CAPN7: variants seen among roughly 807,000 people sequenced by gnomAD.
CAPN7 encodes the protein calpain-7.
Under a neutral mutation model 115.2 loss-of-function variants are expected in CAPN7, and 72 were observed. The ratio of observed to expected loss-of-function variants is 0.63; its 90% CI spans 0.52 to 0.76. The LOEUF (loss-of-function observed/expected upper bound fraction) is 0.76, where lower values mean the gene tolerates loss of function less well. Among genes scored for constraint, CAPN7 ranks in the 30% least tolerant of loss-of-function variants. CAPN7 has a pLI of 0.00. For synonymous variants in CAPN7, 344 were observed against 322.3 expected, an observed-to-expected ratio of 1.07 and a Z score of -0.72; for missense variants, 905 against 971.5, an observed-to-expected ratio of 0.93 and a Z score of 0.91.
Position 15,233,981 on chromosome 3 carries a change from T to A in CAPN7, c.1286+8T>A. ...CAGAATGCTTTATCAAAGGTAAACA[T>A]TTTTCTTTGTTTTATGTGTGTGGTA... On this transcript the variant is annotated splice_region_variant and intron_variant, in intron 11 of 20. Transcript: ENST00000253693. The A allele has an allele frequency of 7.0e-7, 1 of 1,421,796 alleles. No individual in the cohort carries two copies. The highest frequency in any genetic ancestry group is 1.2e-5 in the South Asian group (1 of 85,840). The allele number at this position is 1,421,796 out of a possible 1,614,324, so 88.1% of individuals were successfully genotyped here. A position where few individuals can be genotyped will look rare whatever the true frequency, so the allele number is the denominator to read the frequency against.
In CAPN7 at chr3:15,251,265, G is replaced by T; in HGVS notation, c.*5G>T. The T allele has an allele frequency of 1.9e-6, 3 of 1,576,832 alleles. No homozygotes were observed. The highest frequency in any genetic ancestry group is 2.6e-6 in the Non-Finnish European group (3 of 1,168,416). On this transcript the variant is annotated 3_prime_UTR_variant, in exon 21 of 21. Transcript: ENST00000253693. ...AAGATCACACAACTTCAGTGATGGA[G>T]AAATCTCAAGTTACTGGCTTTTATA...
Position 15,223,614 on chromosome 3 carries a change from T to C in CAPN7, c.725+53T>C, listed in dbSNP as rs1391161267. 1.3e-5 allele frequency: 13 copies of C among 1,032,646 alleles called. No individual in the cohort carries two copies. The East Asian group carries it at 2.2e-4, about 17-fold the overall frequency. 64.0% of individuals were successfully genotyped at this position (1,032,646 alleles called of 1,614,324 possible). A position where few individuals can be genotyped will look rare whatever the true frequency, so the allele number is the denominator to read the frequency against. On this transcript the variant is annotated intron_variant, in intron 6 of 20. Coordinates refer to ENST00000253693, the MANE Select transcript of CAPN7 (RefSeq NM_014296.3). Reference sequence around the variant, plus strand: ...CTCCAATATTTTAACTTTTCAGTACTCTGAAGTTCAATTTAATAGCCTTGA... The same window carrying C: ...CTCCAATATTTTAACTTTTCAGTACCCTGAAGTTCAATTTAATAGCCTTGA...
chr3:15,250,484 C>T (rs1393410416), intron 19 of CAPN7, among the ~76,000 whole-genome samples: 1 of 152,168 alleles, frequency 6.6e-6, no homozygotes, highest in Admixed American at 6.5e-5. Flanking sequence ...GCCTCTCCAA[C>T]ATGATGAAAC....
intron 16 of CAPN7, among the ~76,000 whole-genome samples, chr3:15,245,297 CA>C (rs1353657991): frequency 2.0e-5 from 3 of 151,682 alleles, no homozygotes; most frequent in Non-Finnish European, 4.4e-5. Flanking sequence ...GAGCAAATAG[CA>C]AGTACTATTA....
chr3:15,250,525 A>T lies in CAPN7; in HGVS notation c.2205-406A>T, dbSNP rs532382400. Among the ~76,000 whole-genome samples, 10 of 152,256 alleles carry T rather than the reference A, an allele frequency of 6.6e-5. No homozygotes were observed. The South Asian group carries it at 2.1e-3, about 32-fold the overall frequency. ...CACTACTAAAAATACAAAAAAATTT[A>T]GCCAGGCACAGTGGCATACCCCTGT... On this transcript the variant is annotated intron_variant, in intron 19 of 20. Transcript: ENST00000253693.
At chr3:15,249,281 T>C (rs11713482) in intron 19 of CAPN7, among the ~76,000 whole-genome samples, 1 of 152,212 alleles carries the variant, frequency 6.6e-6, no homozygotes, top group Non-Finnish European at 1.5e-5. Flanking sequence ...CATTACAATA[T>C]TGTTTATTCC....
intron 9 of CAPN7, chr3:15,232,243 A>T (rs1011036686): frequency 8.6e-6 from 3 of 349,924 alleles, no homozygotes; most frequent in Non-Finnish European, 1.1e-5. Flanking sequence ...TTTATTTCAG[A>T]TGCTCAGCCT....
intron 1 of CAPN7, among the ~76,000 whole-genome samples, chr3:15,211,697 C>T (rs1017361406): frequency 6.6e-6 from 1 of 152,028 alleles, no homozygotes; most frequent in Non-Finnish European, 1.5e-5. Flanking sequence ...GAGTTCAAGA[C>T]CAGCCTGGCC....
chr3:15,230,541 T>A lies in CAPN7; in HGVS notation c.1032+6T>A, dbSNP rs775942028. On this transcript the variant is annotated splice_donor_region_variant and intron_variant, in intron 9 of 20. Transcript: ENST00000253693. ...TCAATGGTGTCCCAAGAAAGGTGAA[T>A]AATGTCTCTCCCCACTCCCATCCCT... 6.5e-7 allele frequency: 1 copy of A among 1,545,434 alleles called. No individual in the cohort carries two copies. The highest frequency in any genetic ancestry group is 8.9e-7 in the Non-Finnish European group (1 of 1,118,226).
In CAPN7 at chr3:15,206,428, C is replaced by A; in HGVS notation, c.-68C>A. On this transcript the variant is annotated 5_prime_UTR_variant, in exon 1 of 21. Coordinates refer to ENST00000253693, the MANE Select transcript of CAPN7 (RefSeq NM_014296.3). ...CCGAGTCCTCGCCGCCGCCGGGCCG[C>A]CGCAGTCCGCGAAGAGCCGTCCTGC... The A allele has an allele frequency of 3.2e-6, 4 of 1,251,932 alleles. No homozygotes were observed. Among genetic ancestry groups the A allele is most frequent in the Non-Finnish European group, 4.5e-6 (4 of 893,756 alleles). 77.6% of individuals were successfully genotyped at this position (1,251,932 alleles called of 1,614,324 possible). A position where few individuals can be genotyped will look rare whatever the true frequency, so the allele number is the denominator to read the frequency against.
At chr3:15,241,034 GTC>G (rs1270183915) in intron 14 of CAPN7, among the ~76,000 whole-genome samples, 181 bp downstream of exon 14, 1 of 152,070 alleles carries the variant, frequency 6.6e-6, no homozygotes, top group Non-Finnish European at 1.5e-5. Context: ...GCAAAACCTT[GTC>G]TCTACAAAAA....
Position 15,233,986 on chromosome 3 carries a change from C to A in CAPN7, c.1286+13C>A, listed in dbSNP as rs753309788. ...TGCTTTATCAAAGGTAAACATTTTT[C>A]TTTGTTTTATGTGTGTGGTAAATGT... On this transcript the variant is annotated intron_variant, in intron 11 of 20. Transcript: ENST00000253693. 7.0e-7 allele frequency: 1 copy of A among 1,420,344 alleles called. No individual in the cohort carries two copies. The highest frequency in any genetic ancestry group is 1.2e-5 in the South Asian group (1 of 85,914). 88.0% of individuals were successfully genotyped at this position (1,420,344 alleles called of 1,614,324 possible). A position where few individuals can be genotyped will look rare whatever the true frequency, so the allele number is the denominator to read the frequency against.
rs555962723 is a variant in CAPN7 at position 15,209,311 on chromosome 3, A to G, written c.102+2714A>G. Among the ~76,000 whole-genome samples the G allele has an allele frequency of 2.2e-4, 34 of 152,106 alleles. 1 individual carries two copies. The South Asian group carries it at 6.6e-3, about 30-fold the overall frequency. ...AGGCATGAGCCACCGCCCCCAGCCT[A>G]TTTTTTTCTTTTTTTATTGATAGGT... On this transcript the variant is annotated intron_variant, in intron 1 of 20. Coordinates refer to ENST00000253693, the MANE Select transcript of CAPN7 (RefSeq NM_014296.3).
chr3:15,215,284 C>T (rs985359219), intron 2 of CAPN7, among the ~76,000 whole-genome samples: 1 of 152,134 alleles, frequency 6.6e-6, no homozygotes, highest in African/African-American at 2.4e-5. Flanking sequence ...AAACCAAAAA[C>T]ACGTAACTTT....
Position 15,252,775 on chromosome 3 carries a change from TTTGAAGAATTGATACTTTAACTTGGACC to T in CAPN7, c.*1522_*1549del, listed in dbSNP as rs1323155024. ...GGCTGGACCAATATAAAAAATTGTATTTGAAGAATTGATACTTTAACTTGGACCTTGAAGGTAAAGCTTCAAAAGACAG... is the reference window on the plus strand; with the variant it reads ...GGCTGGACCAATATAAAAAATTGTATTTGAAGGTAAAGCTTCAAAAGACAG... On this transcript the variant is annotated 3_prime_UTR_variant, in exon 21 of 21. Transcript: ENST00000253693. 7 of 147,840 alleles carry T rather than the reference TTTGAAGAATTGATACTTTAACTTGGACC, an allele frequency of 4.7e-5. No homozygotes were observed. The highest frequency in any genetic ancestry group is 8.8e-5 in the Non-Finnish European group (6 of 68,024). 9.2% of individuals were successfully genotyped at this position (147,840 alleles called of 1,614,324 possible).
intron 2 of CAPN7, among the ~76,000 whole-genome samples, chr3:15,216,891 A>G (rs1047688870): frequency 2.0e-5 from 3 of 152,102 alleles, no homozygotes; most frequent in Non-Finnish European, 4.4e-5. Context: ...TCTGATGTCT[A>G]TTGTGTGGTA....
chr3:15,221,346 ATTTT>A (rs772108590), intron 5 of CAPN7, among the ~76,000 whole-genome samples: 10,265 of 104,064 alleles, frequency 0.099, 1,579 homozygotes, highest in African/African-American at 0.36. Flanking sequence ...CATCTGACTA[ATTTT>A]TTTTTTTTTT....
chr3:15,206,523 G>C lies in CAPN7; in HGVS notation c.28G>C (p.Ala10Pro). The C allele has an allele frequency of 2.6e-6, 4 of 1,554,400 alleles. No homozygotes were observed. The highest frequency in any genetic ancestry group is 3.5e-6 in the Non-Finnish European group (4 of 1,149,536). The change falls in exon 1 of 21, where the codon GCT becomes CCT. Residue 10 changes from alanine (A) to proline (P), a missense_variant. By Grantham distance (27) the Ala-to-Pro change is conservative. This residue lies in a region of CAPN7 where 271 missense variants were observed against 239.6 expected (regional missense o/e 1.13). Transcript: ENST00000253693. ...GGACGCCACAGCACTGGAGCGGGAC[G>C]CTGTGCAGTTCGCCCGTCTGGCGGT... MDATALERD[A>P]VQFARLAVQR... is the part of the protein sequence containing the mutation.
intron 5 of CAPN7, among the ~76,000 whole-genome samples, chr3:15,221,878 C>G (rs1225203323): frequency 1.1e-4 from 17 of 151,772 alleles, no homozygotes; most frequent in Non-Finnish European, 1.6e-4. Flanking sequence ...ATCACTTGAG[C>G]CCAGGAGGTG....
Sources: gnomAD v4.1 joint callset for allele counts (sites outside exome capture counted in the v4.1 genomes callset) on GRCh38, gnomAD v4.1.1 for gene constraint, gnomAD v4.1.1 regional missense constraint, MANE v1.5 for transcripts, NCBI Gene and HGNC (gene_info 2026-07-23, HGNC 2026-07-21) for gene names.